KCMF1: variants seen among roughly 807,000 people sequenced by gnomAD.
KCMF1 encodes the protein potassium channel modulatory factor 1, also known as E3 ubiquitin-protein ligase KCMF1.
In KCMF1, 3 loss-of-function variants were observed where a neutral mutation model predicts 41.1. The observed-to-expected ratio is 0.07, with a 90% CI of 0.03 to 0.19. The LOEUF (loss-of-function observed/expected upper bound fraction) is 0.19. KCMF1 is among the 10% of genes least tolerant of loss of function. The pLI is 1.00. For missense variants in KCMF1, 286 were observed against 488.9 expected (o/e 0.58, Z 3.91); for synonymous variants, 142 against 164.5 (o/e 0.86, Z 1.04).
chr2:85,037,590 T>C (rs1675432935), intron 3 of KCMF1, among the ~76,000 whole-genome samples: 1 of 152,258 alleles, frequency 6.6e-6, no homozygotes, highest in Non-Finnish European at 1.5e-5. Context: ...CTCAATGTTT[T>C]GCATTTTTTA....
At chr2:85,021,300 A>T (rs1674930970) in intron 1 of KCMF1, among the ~76,000 whole-genome samples, 1 of 152,150 alleles carries the variant, frequency 6.6e-6, no homozygotes, top group African/African-American at 2.4e-5. Context: ...TATTATTGAG[A>T]TCAAATTGTA....
At chr2:85,044,335 G>C (rs553001226) in intron 4 of KCMF1, among the ~76,000 whole-genome samples, 2 of 151,880 alleles carry the variant, frequency 1.3e-5, no homozygotes, top group East Asian at 3.9e-4. Context: ...ATAGCATAAG[G>C]TCAGCTCTAG....
At chr2:84,997,724 A>G (rs1674210062) in intron 1 of KCMF1, among the ~76,000 whole-genome samples, 2 of 150,206 alleles carry the variant, frequency 1.3e-5, no homozygotes, top group South Asian at 4.2e-4. Flanking sequence ...AGTGCCTTGC[A>G]TACTAATTTG....
chr2:85,030,996 C>A (rs909543903), intron 2 of KCMF1, among the ~76,000 whole-genome samples: 2 of 152,220 alleles, frequency 1.3e-5, no homozygotes, highest in African/African-American at 4.8e-5. Context: ...CCATGCCAAG[C>A]CTACATGTCT....
intron 1 of KCMF1, among the ~76,000 whole-genome samples, chr2:84,976,628 TA>T (rs546103210): frequency 4.9e-4 from 67 of 136,412 alleles, no homozygotes; most frequent in Admixed American, 4.5e-4. Flanking sequence ...CCTATTTCTT[TA>T]AAAAAAAAAA....
chr2:84,988,816 C>T (rs1340872864), intron 1 of KCMF1, among the ~76,000 whole-genome samples: 1 of 152,178 alleles, frequency 6.6e-6, no homozygotes, highest in Non-Finnish European at 1.5e-5. Context: ...CTTTGGAGAA[C>T]CACATAGCAA....
At chr2:84,975,684 T>C (rs1339096341) in intron 1 of KCMF1, among the ~76,000 whole-genome samples, 2 of 152,238 alleles carry the variant, frequency 1.3e-5, no homozygotes, top group African/African-American at 4.8e-5. Context: ...ACTGTCTAGT[T>C]CACAGTGAAC....
chr2:85,003,321 A>G (rs1476615383), intron 1 of KCMF1, among the ~76,000 whole-genome samples: 1 of 152,064 alleles, frequency 6.6e-6, no homozygotes, highest in African/African-American at 2.4e-5. Context: ...AAAAAAAGAA[A>G]AAAAAAATTA....
intron 1 of KCMF1, among the ~76,000 whole-genome samples, chr2:84,983,103 G>C (rs1673807694): frequency 6.6e-6 from 1 of 152,148 alleles, no homozygotes. Context: ...ACCATTGGAA[G>C]AGAAATAACA....
chr2:85,028,042 C>T lies in KCMF1; in HGVS notation c.170C>T (p.Thr57Ile). The T allele has an allele frequency of 1.3e-6, 2 of 1,581,660 alleles. No individual in the cohort carries two copies. Among genetic ancestry groups the T allele is most frequent in the Non-Finnish European group, 1.7e-6 (2 of 1,167,526 alleles). Residue 57 changes from threonine to isoleucine, a missense_variant, in exon 2 of 7, where the codon ACA becomes ATA. Coordinates refer to ENST00000409785, the MANE Select transcript of KCMF1 (RefSeq NM_020122.5). Reference sequence around the variant, plus strand: ...GACCACCCAATGCAGTGCATATTAACAAGGGTAGATTTTGGTAAGTAATTA... The same window carrying T: ...GACCACCCAATGCAGTGCATATTAATAAGGGTAGATTTTGGTAAGTAATTA... Reference protein sequence around the residue: ...TTDHPMQCILTRVDFDLYYGG... With the variant: ...TTDHPMQCILIRVDFDLYYGG...
intron 1 of KCMF1, among the ~76,000 whole-genome samples, chr2:85,008,381 TTA>T (rs1437362250): frequency 0.08 from 1,526 of 19,002 alleles, 76 homozygotes; most frequent in African/African-American, 0.15. Context: ...ATATGATATA[TTA>T]TATATGATAT....
Position 85,036,797 on chromosome 2 carries a change from CA to C in KCMF1, c.324+1651del, listed in dbSNP as rs199605273. 2.4e-3 allele frequency among the ~76,000 whole-genome samples: 342 copies of C among 144,622 alleles called. 1 individual carries two copies. The highest frequency in any genetic ancestry group is 7.9e-3 in the African/African-American group (313 of 39,536). The allele number at this position is 144,622 out of a possible 152,430, so 94.9% of individuals were successfully genotyped here. ...GGGTAACAGAACAAGACCCTGTCTC[CA>C]AAAAAAAATTATGTATTATTATATA... On this transcript the variant is annotated intron_variant, in intron 3 of 6. Transcript: ENST00000409785.
intron 1 of KCMF1, among the ~76,000 whole-genome samples, chr2:85,007,202 G>T (rs1388400248): frequency 6.6e-6 from 1 of 151,762 alleles, no homozygotes; most frequent in Non-Finnish European, 1.5e-5. Context: ...TTCTCTGCAG[G>T]TTTACTCCCA....
In KCMF1 at chr2:85,057,178, T is replaced by TC. The variant is rs1675954730; in HGVS notation, c.*3770dup. 6.9e-6 allele frequency: 1 copy of TC among 145,100 alleles called. No individual in the cohort carries two copies. Among genetic ancestry groups the TC allele is most frequent in the Non-Finnish European group, 1.5e-5 (1 of 65,870 alleles). The allele number at this position is 145,100 out of a possible 1,614,324, so 9.0% of individuals were successfully genotyped here. ...CCGGGCGACGGTGCAAGACTCTGTC[T>TC]CAAAAAAAAAAAAAATTAAAACACT... On this transcript the variant is annotated 3_prime_UTR_variant, in exon 7 of 7. Coordinates refer to ENST00000409785, the MANE Select transcript of KCMF1 (RefSeq NM_020122.5).
chr2:85,045,445 CA>C (rs1299495632), intron 4 of KCMF1, among the ~76,000 whole-genome samples: 1 of 152,046 alleles, frequency 6.6e-6, no homozygotes, highest in Non-Finnish European at 1.5e-5. Flanking sequence ...AGAAGCCAGC[CA>C]AAAAATTAAT....
At chr2:85,049,236 A>T (rs916648388) in intron 5 of KCMF1, 130 bp from the exon 6 acceptor site, 1 of 877,032 alleles carries the variant, frequency 1.1e-6, no homozygotes, top group Non-Finnish European at 1.8e-6. Context: ...TCAGCTCTTA[A>T]ACTGTGTGCT....
At chr2:85,013,775 G>A (rs1310650729) in intron 1 of KCMF1, among the ~76,000 whole-genome samples, 1 of 150,916 alleles carries the variant, frequency 6.6e-6, no homozygotes, top group Non-Finnish European at 1.5e-5. Flanking sequence ...TCCAGCCTGG[G>A]CGACAGAGCG....
chr2:85,003,365 C>G (rs1339580449), intron 1 of KCMF1, among the ~76,000 whole-genome samples: 2 of 151,990 alleles, frequency 1.3e-5, no homozygotes, highest in Non-Finnish European at 2.9e-5. Flanking sequence ...GTAGTCCTAG[C>G]TACTCGGGAG....
At chr2:84,997,173 C>G (rs1025127892) in intron 1 of KCMF1, among the ~76,000 whole-genome samples, 1 of 152,186 alleles carries the variant, frequency 6.6e-6, no homozygotes. Flanking sequence ...AGGTTTGCAA[C>G]TTAGTTTCAC....
Sources: allele counts gnomAD v4.1 joint callset (sites outside exome capture counted in the v4.1 genomes callset), GRCh38; gene constraint gnomAD v4.1.1; transcripts MANE v1.5; gene names NCBI Gene and HGNC (gene_info 2026-07-23, HGNC 2026-07-21).